Variants in NRXN1 observed in about 807,000 individuals in gnomAD.
NRXN1 encodes neurexin-1.
NRXN1 carries 39 observed loss-of-function variants against 150.9 expected under a neutral mutation model. The ratio of observed to expected loss-of-function variants is 0.26; its 90% CI spans 0.20 to 0.34. The LOEUF (loss-of-function observed/expected upper bound fraction) is 0.34, where lower values mean the gene tolerates loss of function less well. Among genes scored for constraint, NRXN1 ranks in the 10% least tolerant of loss-of-function variants. NRXN1 has a pLI of 1.00. For missense variants in NRXN1, 1,815 were observed against 1,949.9 expected (o/e 0.93, Z 1.30); for synonymous variants, 924 against 757.0 (o/e 1.22, Z -3.62).
At chr2:50,183,148 A>G (rs2152813492) in intron 18 of NRXN1, among the ~76,000 whole-genome samples, 1 of 152,226 alleles carries the variant, frequency 6.6e-6, no homozygotes, top group Non-Finnish European at 1.5e-5. Flanking sequence ...GTGATTTTAG[A>G]TGTGAGTGAA....
chr2:49,955,139 C>T (rs1674698818), intron 21 of NRXN1, among the ~76,000 whole-genome samples: 1 of 152,060 alleles, frequency 6.6e-6, no homozygotes, highest in Non-Finnish European at 1.5e-5. Context: ...TAATCTTACT[C>T]TTGATGGTCA....
intron 18 of NRXN1, among the ~76,000 whole-genome samples, chr2:50,201,164 A>G (rs1436290815): frequency 1.3e-5 from 2 of 152,194 alleles, no homozygotes; most frequent in Admixed American, 1.3e-4. Context: ...TGCTATGCAG[A>G]GGTGAAAAGT....
chr2:50,984,572 A>G (rs1697387426), intron 2 of NRXN1, among the ~76,000 whole-genome samples: 1 of 152,044 alleles, frequency 6.6e-6, no homozygotes, highest in Admixed American at 6.6e-5. Context: ...CCTGAGTCCT[A>G]TAGGCTGAAG....
intron 5 of NRXN1, among the ~76,000 whole-genome samples, chr2:50,764,283 C>G (rs1314892858): frequency 6.6e-6 from 1 of 151,948 alleles, no homozygotes; most frequent in African/African-American, 2.4e-5. Context: ...TGACATAAAG[C>G]AAATGTGTTC....
chr2:50,981,178 T>G (rs1366029655), intron 2 of NRXN1, among the ~76,000 whole-genome samples: 1 of 151,866 alleles, frequency 6.6e-6, no homozygotes, highest in East Asian at 1.9e-4. Context: ...CATAACTGTC[T>G]CGGCGTAGTG....
At chr2:50,468,574 G>GTTA (rs56112831) in intron 16 of NRXN1, among the ~76,000 whole-genome samples, 53,240 of 150,936 alleles carry the variant, frequency 0.35, 10,857 homozygotes, top group Middle Eastern at 0.53. Context: ...TTTGTATTAA[G>GTTA]TTATTTAAAT....
intron 21 of NRXN1, among the ~76,000 whole-genome samples, chr2:49,950,962 C>A (rs575389328): frequency 6.6e-6 from 1 of 152,032 alleles, no homozygotes; most frequent in African/African-American, 2.4e-5. Context: ...GGGAAAAAGG[C>A]AGACTTGAAA....
intron 18 of NRXN1, among the ~76,000 whole-genome samples, chr2:50,219,240 T>C (rs1307649676): frequency 3.3e-5 from 5 of 152,008 alleles, no homozygotes; most frequent in Non-Finnish European, 5.9e-5. Flanking sequence ...ATTTGTTCTG[T>C]GAGTACACTA....
chr2:50,554,024 T>A (rs1049955039), intron 8 of NRXN1, among the ~76,000 whole-genome samples: 17 of 152,168 alleles, frequency 1.1e-4, no homozygotes, highest in Non-Finnish European at 1.8e-4. Flanking sequence ...TAGACCATAC[T>A]TACTTGAGGG....
chr2:49,922,915 G>C (rs990334246), intron 22 of NRXN1, among the ~76,000 whole-genome samples: 3 of 152,070 alleles, frequency 2.0e-5, no homozygotes, highest in Non-Finnish European at 2.9e-5. Flanking sequence ...GATGAACTTT[G>C]GAGGAGAAAG....
chr2:50,863,610 A>G (rs78078571), intron 5 of NRXN1, among the ~76,000 whole-genome samples: 7 of 152,164 alleles, frequency 4.6e-5, no homozygotes, highest in African/African-American at 1.4e-4. Flanking sequence ...AGACTTTAAT[A>G]AAAAAGCTTT....
chr2:50,408,160 T>A (rs2082889127), intron 17 of NRXN1, among the ~76,000 whole-genome samples: 2 of 152,114 alleles, frequency 1.3e-5, no homozygotes, highest in Admixed American at 1.3e-4. Flanking sequence ...AATGGTAAGG[T>A]CTCACAAGAA....
In NRXN1 at chr2:49,967,211, C is replaced by T. The variant is rs186576046; in HGVS notation, c.4129-23420G>A. On this transcript the variant is annotated intron_variant, in intron 21 of 22. Transcript: ENST00000401669. ...TTTCTTAGTATTGACAGATATACAACGGTTATATGACATATTCACATTAGG... is the reference window on the plus strand; with the variant it reads ...TTTCTTAGTATTGACAGATATACAATGGTTATATGACATATTCACATTAGG... Among the ~76,000 whole-genome samples, 7 of 151,956 alleles carry T rather than the reference C, an allele frequency of 4.6e-5. No homozygotes were observed. In the East Asian group the frequency reaches 7.7e-4, roughly 17 times the overall value.
At chr2:50,891,013 T>G (rs938573717) in intron 5 of NRXN1, among the ~76,000 whole-genome samples, 2 of 152,026 alleles carry the variant, frequency 1.3e-5, no homozygotes, top group South Asian at 2.1e-4. Flanking sequence ...AGCACATGTT[T>G]ATACATGGTC....
chr2:50,417,116 A>T (rs1451960591), intron 17 of NRXN1: 1 of 152,158 alleles, frequency 6.6e-6, no homozygotes, highest in East Asian at 1.9e-4. Context: ...ACTGAATTTC[A>T]TTTCTGCCTC....
chr2:50,369,007 G>T (rs2153017550), intron 17 of NRXN1, among the ~76,000 whole-genome samples: 1 of 152,082 alleles, frequency 6.6e-6, no homozygotes, highest in Admixed American at 6.6e-5. Context: ...AAATTCACAT[G>T]TAAGAGTGGA....
intron 5 of NRXN1, among the ~76,000 whole-genome samples, chr2:50,735,771 C>A (rs1271296441): frequency 2.0e-5 from 3 of 152,182 alleles, no homozygotes; most frequent in East Asian, 1.9e-4. Flanking sequence ...TATTTGACAT[C>A]TTTTGTTATA....
At chr2:50,885,699 T>TA (rs1394609204) in intron 5 of NRXN1, among the ~76,000 whole-genome samples, 1 of 151,412 alleles carries the variant, frequency 6.6e-6, no homozygotes, top group Admixed American at 6.6e-5. Flanking sequence ...ATGTGAAAGA[T>TA]AATTTATTCC....
rs59921941 is a variant in NRXN1 at position 50,107,539 on chromosome 2, A to ATATATATATATT, written c.3547-16046_3547-16045insAATATATATATA. On this transcript the variant is annotated intron_variant, in intron 18 of 22. Transcript: ENST00000401669. ...AGACTACATATATATATATATATAT[A>ATATATATATATT]TTTTTTTTTTTTACCCAAGTACTAC... 7.3e-3 allele frequency among the ~76,000 whole-genome samples: 951 copies of ATATATATATATT among 129,758 alleles called. 12 individuals are homozygous for ATATATATATATT. The highest frequency in any genetic ancestry group is 0.024 in the African/African-American group (816 of 34,054). 85.1% of individuals were successfully genotyped at this position (129,758 alleles called of 152,430 possible). A position where few individuals can be genotyped will look rare whatever the true frequency, so the allele number is the denominator to read the frequency against.
Sources: allele counts gnomAD v4.1 joint callset (sites outside exome capture counted in the v4.1 genomes callset), GRCh38; gene constraint gnomAD v4.1.1; transcripts MANE v1.5; gene names NCBI Gene and HGNC (gene_info 2026-07-23, HGNC 2026-07-21).